The following VAV2 variants were observed in gnomAD, a reference collection of about 807,000 sequenced individuals.
The protein encoded by VAV2 is guanine nucleotide exchange factor VAV2.
VAV2 carries 67 observed loss-of-function variants against 132.5 expected under a neutral mutation model. The observed-to-expected ratio is 0.51, with a 90% CI of 0.42 to 0.62. The LOEUF is 0.62. Among genes scored for constraint, VAV2 ranks in the 20% least tolerant of loss-of-function variants. The pLI, the probability that VAV2 is intolerant of heterozygous loss-of-function variation, is 0.00. For missense variants in VAV2, 938 were observed against 1,153.6 expected, an observed-to-expected ratio of 0.81 and a Z score of 2.71; for synonymous variants, 492 against 443.5, an observed-to-expected ratio of 1.11 and a Z score of -1.37.
chr9:133,854,841 CAT>C (rs1161314619), intron 3 of VAV2, among the ~76,000 whole-genome samples: 2 of 152,246 alleles, frequency 1.3e-5, no homozygotes, highest in African/African-American at 4.8e-5. Context: ...CAGGGACTCA[CAT>C]GTCATCCTGT....
chr9:133,927,201 GCCCAGGAGTGGGAAAC>G (rs1840509220), intron 2 of VAV2, among the ~76,000 whole-genome samples: 1 of 152,098 alleles, frequency 6.6e-6, no homozygotes, highest in Non-Finnish European at 1.5e-5. Context: ...AGACCAGCTA[GCCCAGGAGTGGGAAAC>G]CCCTGGCACA....
At chr9:133,898,697 G>A (rs948722698) in intron 2 of VAV2, among the ~76,000 whole-genome samples, 3 of 152,168 alleles carry the variant, frequency 2.0e-5, no homozygotes, top group East Asian at 1.9e-4. Flanking sequence ...TGTGGTGCCC[G>A]GGGAAGCTTC....
At chr9:133,821,033 A>G (rs545522608) in intron 4 of VAV2, among the ~76,000 whole-genome samples, 1 of 152,276 alleles carries the variant, frequency 6.6e-6, no homozygotes, top group Non-Finnish European at 1.5e-5. Context: ...ACTCTCCCCC[A>G]GTCCTTGAAA....
chr9:133,938,851 G>A lies in VAV2; in HGVS notation c.321+252C>T, dbSNP rs369217349. Among the ~76,000 whole-genome samples the A allele has an allele frequency of 4.6e-4, 70 of 152,254 alleles. 1 individual carries two copies. In the South Asian group the frequency reaches 0.013, roughly 29 times the overall value. On this transcript the variant is annotated intron_variant, in intron 2 of 29. Coordinates refer to ENST00000371850, the MANE Select transcript of VAV2 (RefSeq NM_001134398.2). ...TCCCCCACCCGCCTGAATTCGTCACGCCTGGCCTCACCATGACTGGAGAGA... is the reference window on the plus strand; with the variant it reads ...TCCCCCACCCGCCTGAATTCGTCACACCTGGCCTCACCATGACTGGAGAGA...
At chr9:133,880,543 G>A (rs977345561) in intron 2 of VAV2, among the ~76,000 whole-genome samples, 2 of 152,174 alleles carry the variant, frequency 1.3e-5, no homozygotes, top group African/African-American at 4.8e-5. Flanking sequence ...TGGGTGCGGG[G>A]GGCACTGCCA....
At chr9:133,908,926 A>G (rs1280832783) in intron 2 of VAV2, among the ~76,000 whole-genome samples, 1 of 152,266 alleles carries the variant, frequency 6.6e-6, no homozygotes, top group Admixed American at 6.5e-5. Context: ...GCATGCAGGC[A>G]GCTGCGCTCC....
intron 17 of VAV2, among the ~76,000 whole-genome samples, chr9:133,784,971 C>T (rs1834158973): frequency 6.6e-6 from 1 of 152,114 alleles, no homozygotes; most frequent in Non-Finnish European, 1.5e-5. Flanking sequence ...TGAACTTTTG[C>T]ACAATAGGAT....
At chr9:133,847,964 T>C (rs979879502) in intron 3 of VAV2, among the ~76,000 whole-genome samples, 6 of 152,024 alleles carry the variant, frequency 3.9e-5, no homozygotes, top group East Asian at 3.9e-4. Context: ...TCAACAGCAA[T>C]GGGTCTCCTC....
chr9:133,971,098 GA>G (rs1346557675), intron 1 of VAV2, among the ~76,000 whole-genome samples: 1 of 152,194 alleles, frequency 6.6e-6, no homozygotes, highest in Non-Finnish European at 1.5e-5. Context: ...CCAAGGTCTG[GA>G]CCGGGAAGCC....
At chr9:133,909,727 G>T (rs1588353831) in intron 2 of VAV2, among the ~76,000 whole-genome samples, 1 of 152,194 alleles carries the variant, frequency 6.6e-6, no homozygotes, top group East Asian at 1.9e-4. Context: ...GAGGCCGGAA[G>T]AAACACTCTG....
chr9:133,838,176 C>T (rs1050047721), intron 3 of VAV2, among the ~76,000 whole-genome samples: 1 of 152,046 alleles, frequency 6.6e-6, no homozygotes, highest in African/African-American at 2.4e-5. Context: ...GGCCTTTGTA[C>T]CTGCTCTGCT....
chr9:133,768,508 G>C lies in VAV2; in HGVS notation c.2523C>G (p.Asp841Glu), dbSNP rs764709519. ...CGATGCGGCTGTAGATCCTCACCACGTCACCCTCCCGCAGCGAAAGCTCCC... is the reference window on the plus strand; with the variant it reads ...CGATGCGGCTGTAGATCCTCACCACCTCACCCTCCCGCAGCGAAAGCTCCC... ...DMRELSLREG[D>E]VVRIYSRIGG... is the part of the protein sequence containing the mutation. The change falls in exon 29 of 30, where the codon GAC (aspartate) becomes GAG (glutamate). Residue 841 changes from aspartate (D) to glutamate (E), a missense_variant. Asp to Glu is a conservative substitution (Grantham distance 45). Coordinates refer to ENST00000371850, the MANE Select transcript of VAV2 (RefSeq NM_001134398.2). The surrounding 1 kb of genome is among the most constrained non-coding windows in gnomAD (Gnocchi z 5.3). The C allele has an allele frequency of 2.5e-6, 4 of 1,613,932 alleles. No homozygotes were observed. The highest frequency in any genetic ancestry group is 4.5e-5 in the East Asian group (2 of 44,870).
At chr9:133,795,627 C>T (rs373843552) in intron 12 of VAV2, 41 bp downstream of exon 12, 3 of 1,611,418 alleles carry the variant, frequency 1.9e-6, no homozygotes, top group South Asian at 2.2e-5. Context: ...ACGGGCTAAG[C>T]CAGACGGTGG....
chr9:133,916,305 C>G (rs963152201), intron 2 of VAV2, among the ~76,000 whole-genome samples: 1 of 152,228 alleles, frequency 6.6e-6, no homozygotes, highest in East Asian at 1.9e-4. Flanking sequence ...GATGAATTGC[C>G]CGCGGAGCCT....
In VAV2 at chr9:133,863,833, C is replaced by A. The variant is rs1837693621; in HGVS notation, c.322-2401G>T. Reference sequence around the variant, plus strand: ...CCAGGGCAGGGGCTGCTGGAGCAGACACCGGACCCCTGAGATAGCCATGGG... The same window carrying A: ...CCAGGGCAGGGGCTGCTGGAGCAGAAACCGGACCCCTGAGATAGCCATGGG... On this transcript the variant is annotated intron_variant, in intron 2 of 29. Coordinates refer to ENST00000371850, the MANE Select transcript of VAV2 (RefSeq NM_001134398.2). The surrounding 1 kb of genome is among the most constrained non-coding windows in gnomAD (Gnocchi z 5.0). Among the ~76,000 whole-genome samples, 1 of 152,184 alleles carries A rather than the reference C, an allele frequency of 6.6e-6. No homozygotes were observed. The highest frequency in any genetic ancestry group is 1.5e-5 in the Non-Finnish European group (1 of 68,026).
At chr9:133,796,292 G>C (rs979484785) in intron 11 of VAV2, 137 bp downstream of exon 11, 3 of 677,104 alleles carry the variant, frequency 4.4e-6, no homozygotes, top group Non-Finnish European at 7.4e-6. Flanking sequence ...CGGTGATTAT[G>C]AGCTAAGCAT....
At chr9:133,974,486 G>A (rs931439348) in intron 1 of VAV2, among the ~76,000 whole-genome samples, 1 of 152,122 alleles carries the variant, frequency 6.6e-6, no homozygotes, top group Non-Finnish European at 1.5e-5. Flanking sequence ...CTTTTGCGCT[G>A]GGCCAAACAC....
chr9:133,819,214 G>C (rs1016017377), intron 4 of VAV2, among the ~76,000 whole-genome samples: 1 of 152,038 alleles, frequency 6.6e-6, no homozygotes, highest in Non-Finnish European at 1.5e-5. Context: ...GGAGGCCGAG[G>C]TGGGCGGATC....
intron 1 of VAV2, among the ~76,000 whole-genome samples, chr9:133,956,891 G>A (rs752605548): frequency 2.0e-5 from 3 of 152,212 alleles, no homozygotes; most frequent in African/African-American, 7.2e-5. Flanking sequence ...AAACCCGGCC[G>A]TCCTCAAGCA....
Sources: gnomAD v4.1 joint callset for allele counts (sites outside exome capture counted in the v4.1 genomes callset) on GRCh38, gnomAD v4.1.1 for gene constraint, Gnocchi (gnomAD v3.1) non-coding constraint, MANE v1.5 for transcripts, NCBI Gene and HGNC (gene_info 2026-07-23, HGNC 2026-07-21) for gene names.